C6: variants seen among roughly 807,000 people sequenced by gnomAD.
The protein encoded by C6 is complement C6.
C6 carries 101 observed loss-of-function variants against 112.9 expected under a neutral mutation model. The ratio of observed to expected loss-of-function variants is 0.89; its 90% CI spans 0.76 to 1.06. The LOEUF is 1.06. Among genes scored for constraint, C6 ranks in the 50% least tolerant of loss-of-function variants. The pLI is 0.00. For missense variants in C6, 1,202 were observed against 1,104.6 expected, an observed-to-expected ratio of 1.09 and a Z score of -1.25; for synonymous variants, 431 against 384.1, an observed-to-expected ratio of 1.12 and a Z score of -1.43.
chr5:41,144,366 CAA>C (rs1479557050), intron 17 of C6, among the ~76,000 whole-genome samples: 1 of 152,084 alleles, frequency 6.6e-6, no homozygotes, highest in Non-Finnish European at 1.5e-5. Context: ...CTCCTAGGTT[CAA>C]GAGATCCTCC....
At chr5:41,240,519 G>A (rs1241322087) in intron 1 of C6, among the ~76,000 whole-genome samples, 1 of 152,142 alleles carries the variant, frequency 6.6e-6, no homozygotes, top group Admixed American at 6.5e-5. Flanking sequence ...TGGTATTAAT[G>A]GTGGCTGTGA....
intron 3 of C6, 103 bp downstream of exon 3, chr5:41,201,455 C>T: frequency 2.6e-6 from 3 of 1,168,160 alleles, no homozygotes; most frequent in Non-Finnish European, 3.8e-6. Flanking sequence ...AGTTGATTTT[C>T]AGAAATTGAA....
intron 5 of C6, among the ~76,000 whole-genome samples, chr5:41,191,826 G>A (rs10076104): frequency 6.6e-6 from 1 of 151,012 alleles, no homozygotes; most frequent in Non-Finnish European, 1.5e-5. Context: ...TAGTGTTCTC[G>A]CTATAAAAGA....
At chr5:41,222,717 G>A (rs1003624633) in intron 1 of C6, among the ~76,000 whole-genome samples, 1 of 152,210 alleles carries the variant, frequency 6.6e-6, no homozygotes, top group Non-Finnish European at 1.5e-5. Flanking sequence ...TACGAGTCAG[G>A]TAGTATTTTA....
Position 41,181,700 on chromosome 5 carries a change from T to C in C6, c.727-141A>G. 1.5e-5 allele frequency: 11 copies of C among 739,664 alleles called. No individual in the cohort carries two copies. The South Asian group carries it at 1.8e-4, about 12-fold the overall frequency. 45.8% of individuals were successfully genotyped at this position (739,664 alleles called of 1,614,324 possible). On this transcript the variant is annotated intron_variant, in intron 6 of 17. Transcript: ENST00000337836. ...ACACATTTTGCTAGAGAACAAAGAATAGTGTTATTTCCTGCACTGAGGGGT... is the reference window on the plus strand; with the variant it reads ...ACACATTTTGCTAGAGAACAAAGAACAGTGTTATTTCCTGCACTGAGGGGT...
intron 1 of C6, among the ~76,000 whole-genome samples, chr5:41,256,887 C>G (rs1580264906): frequency 6.6e-6 from 1 of 152,166 alleles, no homozygotes; most frequent in South Asian, 2.1e-4. Flanking sequence ...TTCCCATACC[C>G]ACTTTCCATC....
At chr5:41,195,724 C>T in intron 5 of C6, 68 bp downstream of exon 5, 1 of 1,489,146 alleles carries the variant, frequency 6.7e-7, no homozygotes, top group Non-Finnish European at 9.3e-7. Context: ...TGATGTATCT[C>T]ATTGCTCCCT....
At position 41,158,716 on chromosome 5, in the gene C6, G is replaced by T. The variant is rs374685801; in HGVS notation, c.1926C>A (p.Ser642=). The T allele has an allele frequency of 6.6e-5, 107 of 1,610,966 alleles. No individual in the cohort carries two copies. Among genetic ancestry groups the T allele is most frequent in the Non-Finnish European group, 8.9e-5 (105 of 1,177,496 alleles). The change falls in exon 13 of 18, where the codon TCC becomes TCA. Residue 642 remains serine (S), a synonymous_variant. Transcript: ENST00000337836. ...EVDLPEIEAD[S]GCPQPVPPEN... is the part of the protein sequence containing the mutation. Reference sequence around the variant, plus strand: ...CTGGAGGAACTGGCTGAGGACACCCGGAATCTGCTTCTATCTCAGGAAGAT... The same window carrying T: ...CTGGAGGAACTGGCTGAGGACACCCTGAATCTGCTTCTATCTCAGGAAGAT...
At chr5:41,195,958 C>A (rs780339494) in intron 4 of C6, 25 bp from the exon 5 acceptor site, 19 of 1,612,446 alleles carry the variant, frequency 1.2e-5, no homozygotes, top group Admixed American at 1.7e-5. Context: ...CAAACAAAAT[C>A]AATGCAACAA....
At position 41,206,774 on chromosome 5, in the gene C6, C is replaced by A. The variant is rs138306538; in HGVS notation, c.-20-3524G>T. Reference sequence around the variant, plus strand: ...ATTGGTGTACCTGAAAGTGACAGGGCGAGTGGAACCGAGTTGGAAAACACT... The same window carrying A: ...ATTGGTGTACCTGAAAGTGACAGGGAGAGTGGAACCGAGTTGGAAAACACT... On this transcript the variant is annotated intron_variant, in intron 1 of 17. Coordinates refer to ENST00000337836, the MANE Select transcript of C6 (RefSeq NM_000065.5). Among the ~76,000 whole-genome samples, 144 of 152,198 alleles carry A rather than the reference C, an allele frequency of 9.5e-4. 2 individuals are homozygous for A. In the South Asian group the frequency reaches 0.029, roughly 31 times the overall value.
intron 11 of C6, 102 bp from the exon 12 acceptor site, chr5:41,159,355 C>T: frequency 1.3e-6 from 2 of 1,508,622 alleles, no homozygotes; most frequent in Non-Finnish European, 1.8e-6. Flanking sequence ...TCAGTAACTT[C>T]CTTTGTGGGA....
chr5:41,176,959 G>A (rs1748911875), intron 7 of C6, among the ~76,000 whole-genome samples: 2 of 152,158 alleles, frequency 1.3e-5, no homozygotes, highest in South Asian at 2.1e-4. Flanking sequence ...GGGGGCACGT[G>A]TTCTCTAAGA....
At chr5:41,144,542 C>G (rs938492562) in intron 17 of C6, among the ~76,000 whole-genome samples, 1 of 152,204 alleles carries the variant, frequency 6.6e-6, no homozygotes, top group African/African-American at 2.4e-5. Context: ...GCTGGGATTA[C>G]AGGCGTGGAC....
intron 13 of C6, among the ~76,000 whole-genome samples, chr5:41,156,462 C>A (rs966413947): frequency 6.6e-6 from 1 of 152,130 alleles, no homozygotes; most frequent in Admixed American, 6.6e-5. Flanking sequence ...TTTACACAGG[C>A]CTTAATTCTT....
chr5:41,204,670 CTT>C (rs1196116815), intron 1 of C6, among the ~76,000 whole-genome samples: 4 of 98,578 alleles, frequency 4.1e-5, no homozygotes, highest in South Asian at 3.4e-4. Context: ...TTTTTTTTTT[CTT>C]TTTTTTTTTT....
chr5:41,162,036 A>G (rs928126017), intron 9 of C6, among the ~76,000 whole-genome samples, 177 bp from the exon 10 acceptor site: 6 of 152,214 alleles, frequency 3.9e-5, no homozygotes, highest in Non-Finnish European at 8.8e-5. Flanking sequence ...AGGGAGTTTA[A>G]TAATAGAAAT....
intron 13 of C6, among the ~76,000 whole-genome samples, chr5:41,156,101 C>A (rs1057323215): frequency 6.6e-6 from 1 of 152,084 alleles, no homozygotes; most frequent in African/African-American, 2.4e-5. Flanking sequence ...TTTATTTTAA[C>A]TTACTTTACC....
At chr5:41,177,572 T>C (rs1748958474) in intron 7 of C6, among the ~76,000 whole-genome samples, 1 of 152,208 alleles carries the variant, frequency 6.6e-6, no homozygotes. Context: ...GTAAGGACCA[T>C]GTTTTAGCAA....
At chr5:41,228,930 G>C (rs1176248318) in intron 1 of C6, among the ~76,000 whole-genome samples, 1 of 152,034 alleles carries the variant, frequency 6.6e-6, no homozygotes, top group Admixed American at 6.6e-5. Flanking sequence ...TTTTCTTGTT[G>C]TGTCTTTGTC....
Sources: gnomAD v4.1 joint callset for allele counts (sites outside exome capture counted in the v4.1 genomes callset) on GRCh38, gnomAD v4.1.1 for gene constraint, MANE v1.5 for transcripts, NCBI Gene and HGNC (gene_info 2026-07-23, HGNC 2026-07-21) for gene names.